The following COL14A1 variants were observed in gnomAD, a reference collection of about 807,000 sequenced individuals.
The protein encoded by COL14A1 is collagen alpha-1(XIV) chain.
In COL14A1, 136 loss-of-function variants were observed where a neutral mutation model predicts 230.3. That is an observed-to-expected ratio of 0.59 (90% CI 0.51 to 0.68). The LOEUF (loss-of-function observed/expected upper bound fraction) is 0.68, where lower values mean the gene tolerates loss of function less well. Ranked by LOEUF, COL14A1 falls within the 30% of genes least tolerant of loss-of-function variation. The probability of loss-of-function intolerance (pLI) is 0.00; values close to 1 mark genes in which losing one functional copy is unlikely to be tolerated. For missense variants in COL14A1, 1,976 were observed against 2,215.8 expected, an observed-to-expected ratio of 0.89 and a Z score of 2.17; for synonymous variants, 792 against 784.1, an observed-to-expected ratio of 1.01 and a Z score of -0.17.
intron 33 of COL14A1, among the ~76,000 whole-genome samples, chr8:120,287,461 G>A (rs1309510671): frequency 6.6e-6 from 1 of 152,104 alleles, no homozygotes; most frequent in Non-Finnish European, 1.5e-5. Context: ...GAGATGAAAA[G>A]CGTTTGAGAT....
chr8:120,232,871 C>T (rs190620505), intron 19 of COL14A1, among the ~76,000 whole-genome samples: 36 of 152,340 alleles, frequency 2.4e-4, no homozygotes, highest in African/African-American at 8.4e-4. Context: ...AGCTAATTTA[C>T]AGTCTCACCA....
Position 120,345,538 on chromosome 8 carries a change from C to A in COL14A1, c.5052C>A (p.Gly1684=). Residue 1684 remains glycine, a synonymous_variant, in exon 45 of 48, where the codon GGC becomes GGA. Transcript: ENST00000297848. ...PGTPGFPGNA[G]VPGTPGERGL... is the part of the protein sequence containing the mutation. Reference sequence around the variant, plus strand: ...CACCAGGCTTCCCCGGAAATGCAGGCGTGCCAGGGACCCCAGGAGAACGAG... The same window carrying A: ...CACCAGGCTTCCCCGGAAATGCAGGAGTGCCAGGGACCCCAGGAGAACGAG... 1.3e-6 allele frequency: 2 copies of A among 1,562,362 alleles called. No homozygotes were observed. Among genetic ancestry groups the A allele is most frequent in the Non-Finnish European group, 1.7e-6 (2 of 1,160,996 alleles).
intron 14 of COL14A1, among the ~76,000 whole-genome samples, chr8:120,218,064 T>C (rs1365082492): frequency 7.1e-6 from 1 of 141,028 alleles, no homozygotes; most frequent in Non-Finnish European, 1.5e-5. Flanking sequence ...TTTTTATGTA[T>C]CTATATATAA....
chr8:120,262,986 A>C lies in COL14A1; in HGVS notation c.2988A>C (p.Gly996=). ...ATACAAAGCTCCAGGAGATTGAAGG[A>C]CCTAGTGTGAGCATAATGGAAAAAA... ...SVYTKLQEIE[G]PSVSIMEKTQ... The change falls in exon 24 of 48, where the codon GGA becomes GGC. Residue 996 remains glycine (G), a synonymous_variant. Coordinates refer to ENST00000297848, the MANE Select transcript of COL14A1 (RefSeq NM_021110.4). 6.2e-7 allele frequency: 1 copy of C among 1,611,928 alleles called. No homozygotes were observed. The highest frequency in any genetic ancestry group is 8.5e-7 in the Non-Finnish European group (1 of 1,179,348).
intron 1 of COL14A1, among the ~76,000 whole-genome samples, chr8:120,131,612 C>A (rs942591468): frequency 2.0e-5 from 3 of 151,914 alleles, no homozygotes; most frequent in South Asian, 2.1e-4. Context: ...GGATATCAGA[C>A]CTTTGTTGGG....
intron 12 of COL14A1, among the ~76,000 whole-genome samples, chr8:120,211,131 T>C (rs1015368911): frequency 2.6e-5 from 4 of 152,176 alleles, no homozygotes; most frequent in African/African-American, 7.2e-5. Context: ...TTTGAAATAT[T>C]TCATCCTGTT....
intron 1 of COL14A1, among the ~76,000 whole-genome samples, chr8:120,132,444 T>A (rs1208154910): frequency 3.9e-5 from 6 of 152,112 alleles, no homozygotes; most frequent in Non-Finnish European, 8.8e-5. Context: ...GTACCATGCT[T>A]TTTTGGTTAC....
At chr8:120,127,000 A>G (rs932769221) in intron 1 of COL14A1, among the ~76,000 whole-genome samples, 2 of 152,178 alleles carry the variant, frequency 1.3e-5, no homozygotes, top group Non-Finnish European at 2.9e-5. Flanking sequence ...AATGATTTTT[A>G]GTGTTTTCAC....
At chr8:120,313,323 G>A (rs1821104934) in intron 37 of COL14A1, among the ~76,000 whole-genome samples, 1 of 152,176 alleles carries the variant, frequency 6.6e-6, no homozygotes, top group African/African-American at 2.4e-5. Flanking sequence ...TCAAGCCACT[G>A]CACTCCAGCC....
At chr8:120,197,248 A>T (rs1235613709) in intron 6 of COL14A1, among the ~76,000 whole-genome samples, 1 of 152,170 alleles carries the variant, frequency 6.6e-6, no homozygotes, top group African/African-American at 2.4e-5. Flanking sequence ...CTTTTTATTT[A>T]AAAGAAATAG....
chr8:120,270,004 C>T (rs750055333), intron 25 of COL14A1, 31 bp from the exon 26 acceptor site: 1 of 1,608,994 alleles, frequency 6.2e-7, no homozygotes. Flanking sequence ...TTCCCCTTAT[C>T]TCTGACTCAA....
intron 40 of COL14A1, among the ~76,000 whole-genome samples, chr8:120,322,215 G>T (rs1722288130): frequency 1.3e-5 from 2 of 150,904 alleles, no homozygotes; most frequent in Admixed American, 1.3e-4. Flanking sequence ...ACACACTGGG[G>T]CCTGTTGGGG....
chr8:120,138,625 C>G (rs1038619123), intron 1 of COL14A1, among the ~76,000 whole-genome samples: 10 of 152,114 alleles, frequency 6.6e-5, no homozygotes, highest in African/African-American at 2.4e-4. Context: ...GTTTTTTCCT[C>G]CTATGTCATG....
chr8:120,170,625 G>A (rs1477784144), intron 5 of COL14A1, among the ~76,000 whole-genome samples: 1 of 151,824 alleles, frequency 6.6e-6, no homozygotes, highest in Non-Finnish European at 1.5e-5. Context: ...TCCCTCGATG[G>A]TATTAGTCCA....
rs980990573 is a variant in COL14A1, at chr8:120,230,468, T to G, written c.2198-999T>G. ...CAAGCCTTCTTTGTGCTTTAAAGTC[T>G]TTTTCACAGCATCCAAGATCCTTCC... On this transcript the variant is annotated intron_variant, in intron 18 of 47. Transcript: ENST00000297848. 1.5e-4 allele frequency among the ~76,000 whole-genome samples: 23 copies of G among 152,156 alleles called. 2 individuals are homozygous for G. Among genetic ancestry groups the G allele is most frequent in the Admixed American group, 1.4e-3 (21 of 15,270 alleles).
chr8:120,186,760 C>G (rs1309158314), intron 5 of COL14A1, among the ~76,000 whole-genome samples: 1 of 152,158 alleles, frequency 6.6e-6, no homozygotes, highest in Admixed American at 6.5e-5. Flanking sequence ...ACTATGTGAA[C>G]AGAGGAATTA....
intron 24 of COL14A1, among the ~76,000 whole-genome samples, chr8:120,263,863 A>G (rs1295424431): frequency 6.6e-6 from 1 of 152,180 alleles, no homozygotes; most frequent in Non-Finnish European, 1.5e-5. Flanking sequence ...TCAAAAAGAG[A>G]GGATAAAAGT....
chr8:120,145,173 C>G (rs1225566041), intron 1 of COL14A1, among the ~76,000 whole-genome samples: 1 of 152,108 alleles, frequency 6.6e-6, no homozygotes, highest in East Asian at 1.9e-4. Context: ...GATGCTAATC[C>G]CATTTTACCT....
chr8:120,152,895 T>C (rs1815337403), intron 2 of COL14A1, among the ~76,000 whole-genome samples: 1 of 152,226 alleles, frequency 6.6e-6, no homozygotes, highest in Admixed American at 6.5e-5. Context: ...AGACTTCGCA[T>C]AGGGGCTAGC....
Sources: gnomAD v4.1 joint callset for allele counts (sites outside exome capture counted in the v4.1 genomes callset) on GRCh38, gnomAD v4.1.1 for gene constraint, MANE v1.5 for transcripts, NCBI Gene and HGNC (gene_info 2026-07-23, HGNC 2026-07-21) for gene names.